Variants in RGS19 observed in about 807,000 individuals in gnomAD.
RGS19 encodes regulator of G protein signaling 19.
A neutral mutation model predicts 22.0 loss-of-function variants in RGS19; 9 were observed. The ratio of observed to expected loss-of-function variants is 0.41; its 90% CI spans 0.25 to 0.71. The LOEUF (loss-of-function observed/expected upper bound fraction) is 0.71, where lower values mean the gene tolerates loss of function less well. RGS19 is among the 30% of genes least tolerant of loss of function. The pLI, the probability that RGS19 is intolerant of heterozygous loss-of-function variation, is 0.32. For missense variants in RGS19, 256 were observed against 307.1 expected, an observed-to-expected ratio of 0.83 and a Z score of 1.24; for synonymous variants, 130 against 127.3, an observed-to-expected ratio of 1.02 and a Z score of -0.14.
chr20:64,073,787 A>G lies in RGS19; in HGVS notation c.*66T>C, dbSNP rs6011280. Reference sequence around the variant, plus strand: ...ATGTGCCCTGACAGCCCTGCCGACAACAACACCTGAAGGGAACCCAGAGTC... The same window carrying G: ...ATGTGCCCTGACAGCCCTGCCGACAGCAACACCTGAAGGGAACCCAGAGTC... On this transcript the variant is annotated 3_prime_UTR_variant, in exon 6 of 6. Transcript: ENST00000395042. 2.1e-6 allele frequency: 3 copies of G among 1,424,410 alleles called. No homozygotes were observed. In the South Asian group the frequency reaches 3.8e-5, roughly 18 times the overall value. The allele number at this position is 1,424,410 out of a possible 1,614,324, so 88.2% of individuals were successfully genotyped here. A position where few individuals can be genotyped will look rare whatever the true frequency, so the allele number is the denominator to read the frequency against.
chr20:64,074,082 C>T, intron 5 of RGS19, 38 bp from the exon 6 acceptor site: 5 of 1,602,338 alleles, frequency 3.1e-6, no homozygotes, highest in Middle Eastern at 1.7e-4. Flanking sequence ...GGTGCGGGAG[C>T]TGCCTTCCCC....
At chr20:64,077,479 T>C (rs1418156465) in intron 1 of RGS19, among the ~76,000 whole-genome samples, 1 of 151,816 alleles carries the variant, frequency 6.6e-6, no homozygotes, top group Non-Finnish European at 1.5e-5. Context: ...AGGATTTAAG[T>C]GGGACTCAGG....
In RGS19 at chr20:64,076,952, G is replaced by A. The variant is rs1202692688; in HGVS notation, c.-66C>T. On this transcript the variant is annotated splice_region_variant and 5_prime_UTR_variant, in exon 2 of 6. Transcript: ENST00000395042. ...TCTCAGACCCTCACCACAGCCTGGG[G>A]GTCTGGGGAGAGGGGCCAAGGTTCT... 1.4e-6 allele frequency: 2 copies of A among 1,403,296 alleles called. No homozygotes were observed. Among genetic ancestry groups the A allele is most frequent in the Non-Finnish European group, 1.9e-6 (2 of 1,062,376 alleles). 86.9% of individuals were successfully genotyped at this position (1,403,296 alleles called of 1,614,324 possible). A position where few individuals can be genotyped will look rare whatever the true frequency, so the allele number is the denominator to read the frequency against.
Position 64,075,885 on chromosome 20 carries a change from CT to C in RGS19, c.152+639del, listed in dbSNP as rs71333734. Among the ~76,000 whole-genome samples, 139 of 83,158 alleles carry C rather than the reference CT, an allele frequency of 1.7e-3. No homozygotes were observed. Among genetic ancestry groups the C allele is most frequent in the South Asian group, 3.9e-3 (7 of 1,816 alleles). The allele number at this position is 83,158 out of a possible 152,430, so 54.6% of individuals were successfully genotyped here. On this transcript the variant is annotated intron_variant, in intron 3 of 5. Transcript: ENST00000395042. The surrounding 1 kb of genome is among the most constrained non-coding windows in gnomAD (Gnocchi z 4.6). ...TGTGCCTGTCTTTCTTTCTTTCTTT[CT>C]TTTTTTTTTTTTGAGACGGAGTTTT...
upstream of RGS19, chr20:64,079,944 G>T (rs2059947598): frequency 1.4e-5 from 2 of 148,002 alleles, no homozygotes; most frequent in Non-Finnish European, 1.5e-5. The surrounding 1 kb of genome is among the most constrained non-coding windows in gnomAD (Gnocchi z 5.1). Flanking sequence ...CAGTCGGGGA[G>T]GGGGCGCGGG....
At chr20:64,078,884 T>A (rs1454299415) in intron 1 of RGS19, among the ~76,000 whole-genome samples, 1 of 152,162 alleles carries the variant, frequency 6.6e-6, no homozygotes, top group Non-Finnish European at 1.5e-5. Flanking sequence ...GTCTGCTCTC[T>A]GGGGATAGAG....
At chr20:64,076,979 A>C (rs900066800) in intron 1 of RGS19, 25 bp from the exon 2 acceptor site, 2 of 1,227,522 alleles carry the variant, frequency 1.6e-6, no homozygotes, top group African/African-American at 3.2e-5. Flanking sequence ...CAAGGTTCTG[A>C]CTGAGAACCT....
rs1601612132 is a variant in RGS19 at position 64,075,292 on chromosome 20, C to T, written c.153-751G>A. Among the ~76,000 whole-genome samples, 2 of 152,310 alleles carry T rather than the reference C, an allele frequency of 1.3e-5. No homozygotes were observed. Among genetic ancestry groups the T allele is most frequent in the African/African-American group, 4.8e-5 (2 of 41,574 alleles). ...TCTCGTCGGCTGACGCAGGTGAGAG[C>T]CCCAAACCCGTGTCCACACTCCTTC... On this transcript the variant is annotated intron_variant, in intron 3 of 5. Transcript: ENST00000395042. The surrounding 1 kb of genome is among the most constrained non-coding windows in gnomAD (Gnocchi z 4.6).
At position 64,073,669 on chromosome 20, in the gene RGS19, CT is replaced by C; in HGVS notation, c.*183del. On this transcript the variant is annotated 3_prime_UTR_variant, in exon 6 of 6. Coordinates refer to ENST00000395042, the MANE Select transcript of RGS19 (RefSeq NM_005873.3). Reference sequence around the variant, plus strand: ...GAGGCCCGCCCTGCACCTGGAGTTCCTGCTTGGCCACGGGTGGGCAGACCCA... The same window carrying C: ...GAGGCCCGCCCTGCACCTGGAGTTCCGCTTGGCCACGGGTGGGCAGACCCA... 1 of 578,698 alleles carries C rather than the reference CT, an allele frequency of 1.7e-6. No homozygotes were observed. 35.8% of individuals were successfully genotyped at this position (578,698 alleles called of 1,614,324 possible).
rs2059937390 is a variant in RGS19, at chr20:64,079,209, G to C, written c.-69+85C>G. 2 of 152,318 alleles carry C rather than the reference G, an allele frequency of 1.3e-5. No homozygotes were observed. The allele number at this position is 152,318 out of a possible 1,614,324, so 9.4% of individuals were successfully genotyped here. A position where few individuals can be genotyped will look rare whatever the true frequency, so the allele number is the denominator to read the frequency against. The stretch of plus-strand genomic sequence containing the variant: ...CTCCTCTCTCTGCTGTTAGGGTCCA[G>C]TCTGGAGAAGCCTGTGTTCTCCTCC... On this transcript the variant is annotated intron_variant, in intron 1 of 5. Coordinates refer to ENST00000395042, the MANE Select transcript of RGS19 (RefSeq NM_005873.3). This position sits in a 1 kb window ranked among gnomAD's most constrained non-coding sequence, Gnocchi z 5.1.
intron 3 of RGS19, 138 bp downstream of exon 3, chr20:64,076,386 GA>G: frequency 7.4e-7 from 1 of 1,347,782 alleles, no homozygotes; most frequent in South Asian, 1.4e-5. Flanking sequence ...ACAGACCCTG[GA>G]CAGGACAGTG....
upstream of RGS19, chr20:64,079,922 G>A (rs1173417589): frequency 6.7e-6 from 1 of 148,328 alleles, no homozygotes; most frequent in Non-Finnish European, 1.5e-5. This position sits in a 1 kb window ranked among gnomAD's most constrained non-coding sequence, Gnocchi z 5.1. Flanking sequence ...CGCGCTCCAA[G>A]GTCCGGCCCG....
chr20:64,079,917 T>A (rs1047205093), upstream of RGS19: 19 of 147,104 alleles, frequency 1.3e-4, no homozygotes, highest in African/African-American at 4.0e-4. This position sits in a 1 kb window ranked among gnomAD's most constrained non-coding sequence, Gnocchi z 5.1. Context: ...GCCCGCGCGC[T>A]CCAAGGTCCG....
chr20:64,074,183 G>A lies in RGS19; in HGVS notation c.423C>T (p.Leu141=). The A allele has an allele frequency of 6.2e-7, 1 of 1,614,070 alleles. No homozygotes were observed. Among genetic ancestry groups the A allele is most frequent in the South Asian group, 1.1e-5 (1 of 91,082 alleles). The change falls in exon 5 of 6, where the codon CTC becomes CTT. Residue 141 remains leucine, a synonymous_variant. Coordinates refer to ENST00000395042, the MANE Select transcript of RGS19 (RefSeq NM_005873.3). ...GGATGGATACGTAGTCCTCGTAGAT[G>A]AGCCTCGCCTTCTCGTCTACCACAT... ...NQHVVDEKAR[L]IYEDYVSILS...
chr20:64,073,662 G>T lies in RGS19; in HGVS notation c.*191C>A. 1.1e-5 allele frequency: 6 copies of T among 568,422 alleles called. No homozygotes were observed. Among genetic ancestry groups the T allele is most frequent in the Non-Finnish European group, 1.8e-5 (6 of 324,470 alleles). 35.2% of individuals were successfully genotyped at this position (568,422 alleles called of 1,614,324 possible). ...GCACCTGGAGGCCCGCCCTGCACCT[G>T]GAGTTCCTGCTTGGCCACGGGTGGG... On this transcript the variant is annotated 3_prime_UTR_variant, in exon 6 of 6. Transcript: ENST00000395042.
chr20:64,076,641 T>C lies in RGS19; in HGVS notation c.36A>G (p.Thr12=). ...PTPHEAEKQI[T]GPEEADRPPS... ...GGGGCCGGTCCGCCTCCTCTGGCCC[T>C]GTGATCTGGGGAAAAGTGGGGCTAC... is the stretch of plus-strand genomic sequence containing the variant. The change falls in exon 3 of 6, where the codon ACA becomes ACG. Residue 12 remains threonine (T), a synonymous_variant. Transcript: ENST00000395042. 2 of 1,599,730 alleles carry C rather than the reference T, an allele frequency of 1.3e-6. No individual in the cohort carries two copies. Among genetic ancestry groups the C allele is most frequent in the South Asian group, 1.1e-5 (1 of 89,590 alleles).
Position 64,074,525 on chromosome 20 carries a change from G to C in RGS19, c.169C>G (p.Arg57Gly). The C allele has an allele frequency of 1.3e-6, 2 of 1,563,836 alleles. No individual in the cohort carries two copies. The highest frequency in any genetic ancestry group is 1.7e-6 in the Non-Finnish European group (2 of 1,154,938). The change falls in exon 4 of 6, where the codon CGC becomes GGC. Residue 57 changes from arginine to glycine, a missense_variant. By Grantham distance (125) the Arg-to-Gly change is moderately radical. Coordinates refer to ENST00000395042, the MANE Select transcript of RGS19 (RefSeq NM_005873.3). ...CTCTCCCGGGAGGCCTGCCACGCGCGCCGCCGCTCTTGGTTCCTAGTGGCA... is the reference window on the plus strand; with the variant it reads ...CTCTCCCGGGAGGCCTGCCACGCGCCCCGCCGCTCTTGGTTCCTAGTGGCA... ...CSCSWNQERR[R>G]AWQASRESKL... is the part of the protein sequence containing the mutation.
rs753463211 is a variant in RGS19 at position 64,074,207 on chromosome 20, A to G, written c.399T>C (p.His133=). 3 of 1,614,054 alleles carry G rather than the reference A, an allele frequency of 1.9e-6. No homozygotes were observed. Among genetic ancestry groups the G allele is most frequent in the South Asian group, 2.2e-5 (2 of 91,082 alleles). The change falls in exon 5 of 6, where the codon CAT becomes CAC. Residue 133 remains histidine (H), a synonymous_variant. Coordinates refer to ENST00000395042, the MANE Select transcript of RGS19 (RefSeq NM_005873.3). ...CEELKAEANQ[H]VVDEKARLIY... The stretch of plus-strand genomic sequence containing the variant: ...TGAGCCTCGCCTTCTCGTCTACCAC[A>G]TGCTGGTTGGCCTCGGCCTTCAGCT...
chr20:64,074,252 G>A lies in RGS19; in HGVS notation c.354C>T (p.Leu118=). The A allele has an allele frequency of 6.2e-7, 1 of 1,613,892 alleles. No individual in the cohort carries two copies. Among genetic ancestry groups the A allele is most frequent in the Non-Finnish European group, 8.5e-7 (1 of 1,180,032 alleles). The part of the protein sequence containing the change: ...LRTEYSEENM[L]FWLACEELKA... ...TCAGCTCCTCGCAGGCCAACCAGAA[G>A]AGCATGTTCTCCTCGCTGTACTCTG... Residue 118 remains leucine, a synonymous_variant, in exon 5 of 6, where the codon CTC becomes CTT. Transcript: ENST00000395042.
Sources: gnomAD v4.1 joint callset for allele counts (sites outside exome capture counted in the v4.1 genomes callset) on GRCh38, gnomAD v4.1.1 for gene constraint, Gnocchi (gnomAD v3.1) non-coding constraint, MANE v1.5 for transcripts, NCBI Gene and HGNC (gene_info 2026-07-23, HGNC 2026-07-21) for gene names.